Variants in CNTNAP2 observed in about 807,000 individuals in gnomAD.
CNTNAP2 encodes the protein contactin associated protein 2.
In CNTNAP2, 98 loss-of-function variants were observed where a neutral mutation model predicts 155.2. That is an observed-to-expected ratio of 0.63 (90% CI 0.54 to 0.75). The LOEUF is 0.75. CNTNAP2 is among the 30% of genes least tolerant of loss of function. The pLI, the probability that CNTNAP2 is intolerant of heterozygous loss-of-function variation, is 0.00. For synonymous variants in CNTNAP2, 651 were observed against 631.2 expected, an observed-to-expected ratio of 1.03 and a Z score of -0.47; for missense variants, 1,727 against 1,688.1, an observed-to-expected ratio of 1.02 and a Z score of -0.40.
At position 147,153,814 on chromosome 7, in the gene CNTNAP2, C is replaced by G. The variant is rs73471075; in HGVS notation, c.1348+21305C>G. On this transcript the variant is annotated intron_variant, in intron 8 of 23. Transcript: ENST00000361727. ...CACATTGTAAAAGGTCATTCTGACT[C>G]TGTGCTAAAAGGTAGATTTTCAAAT... 4.2e-3 allele frequency among the ~76,000 whole-genome samples: 636 copies of G among 152,210 alleles called. 4 individuals carry two copies. The highest frequency in any genetic ancestry group is 0.015 in the African/African-American group (615 of 41,542).
intron 8 of CNTNAP2, among the ~76,000 whole-genome samples, chr7:147,175,385 T>C (rs987134574): frequency 2.6e-5 from 4 of 152,212 alleles, no homozygotes; most frequent in African/African-American, 9.6e-5. Flanking sequence ...CTTTACACTT[T>C]AGCTTAAATA....
Position 146,826,138 on chromosome 7 carries a change from C to T in CNTNAP2, c.209-13573C>T, listed in dbSNP as rs931730784. Among the ~76,000 whole-genome samples, 4 of 151,946 alleles carry T rather than the reference C, an allele frequency of 2.6e-5. No individual in the cohort carries two copies. The East Asian group carries it at 5.8e-4, about 22-fold the overall frequency. ...TGGCATGGAGATGTTATTTGCATCC[C>T]TAATTATTTGGTTAATAAACAATAA... is the stretch of plus-strand genomic sequence containing the variant. On this transcript the variant is annotated intron_variant, in intron 2 of 23. Transcript: ENST00000361727.
intron 15 of CNTNAP2, among the ~76,000 whole-genome samples, chr7:148,012,460 G>T (rs1304680389): frequency 6.6e-6 from 1 of 152,170 alleles, no homozygotes; most frequent in Non-Finnish European, 1.5e-5. Context: ...TATGCAACAG[G>T]CATAAGTTCT....
chr7:147,225,297 T>G (rs1803495431), intron 8 of CNTNAP2, among the ~76,000 whole-genome samples: 1 of 152,320 alleles, frequency 6.6e-6, no homozygotes. Context: ...CTGGAAATGT[T>G]TTTAGGGTTG....
intron 2 of CNTNAP2, among the ~76,000 whole-genome samples, chr7:146,786,236 T>G (rs1169544943): frequency 6.7e-6 from 1 of 148,556 alleles, no homozygotes; most frequent in Non-Finnish European, 1.5e-5. Flanking sequence ...TGACTATTTA[T>G]CCCTTTTTCT....
At chr7:146,654,781 GA>G (rs144611125) in intron 1 of CNTNAP2, among the ~76,000 whole-genome samples, 6,717 of 152,048 alleles carry the variant, frequency 0.044, 169 homozygotes, top group Middle Eastern at 0.093. Context: ...TTGTACTTTT[GA>G]AGCAGTTTCA....
At chr7:148,087,434 C>T (rs1273281706) in intron 15 of CNTNAP2, among the ~76,000 whole-genome samples, 1 of 152,010 alleles carries the variant, frequency 6.6e-6, no homozygotes, top group African/African-American at 2.4e-5. Context: ...TTTTATATGG[C>T]TTATATTAAC....
At chr7:147,776,150 T>C (rs966243497) in intron 13 of CNTNAP2, among the ~76,000 whole-genome samples, 5 of 152,144 alleles carry the variant, frequency 3.3e-5, no homozygotes, top group African/African-American at 1.2e-4. Flanking sequence ...AGGAAGTGAT[T>C]TAAAACAGTT....
chr7:147,010,172 G>A (rs1384831566), intron 3 of CNTNAP2, among the ~76,000 whole-genome samples: 1 of 151,922 alleles, frequency 6.6e-6, no homozygotes, highest in African/African-American at 2.4e-5. Flanking sequence ...ACCACGCCAA[G>A]CTGATTTTTG....
intron 9 of CNTNAP2, among the ~76,000 whole-genome samples, chr7:147,301,971 G>A (rs1479686958): frequency 6.6e-6 from 1 of 152,052 alleles, no homozygotes; most frequent in Non-Finnish European, 1.5e-5. Context: ...CTAGGGCTCT[G>A]CTTCTTTAAT....
intron 11 of CNTNAP2, among the ~76,000 whole-genome samples, chr7:147,487,648 G>A (rs1798533506): frequency 6.6e-6 from 1 of 151,962 alleles, no homozygotes. Flanking sequence ...GAACTGAAAA[G>A]CAACTTATTC....
At chr7:146,644,361 T>G (rs1799771963) in intron 1 of CNTNAP2, among the ~76,000 whole-genome samples, 1 of 152,188 alleles carries the variant, frequency 6.6e-6, no homozygotes, top group Non-Finnish European at 1.5e-5. Context: ...GTTTTTAGCA[T>G]GAAGGGTTGT....
intron 3 of CNTNAP2, among the ~76,000 whole-genome samples, chr7:146,948,353 AG>A: frequency 6.6e-6 from 1 of 152,210 alleles, no homozygotes; most frequent in African/African-American, 2.4e-5. Flanking sequence ...TCATGATGTA[AG>A]ATAATTTTGT....
intron 11 of CNTNAP2, among the ~76,000 whole-genome samples, chr7:147,498,747 A>C (rs1164219565): frequency 6.6e-6 from 1 of 152,188 alleles, no homozygotes; most frequent in African/African-American, 2.4e-5. Flanking sequence ...AAAAATTCTA[A>C]AGGATTTGAA....
chr7:147,936,297 TTTA>T (rs1201667911), intron 14 of CNTNAP2, among the ~76,000 whole-genome samples: 1 of 111,976 alleles, frequency 8.9e-6, no homozygotes, highest in Non-Finnish European at 2.0e-5. Flanking sequence ...CGACATTTAT[TTTA>T]TTTTTTTTTT....
intron 1 of CNTNAP2, among the ~76,000 whole-genome samples, chr7:146,456,593 T>G (rs1468077104): frequency 1.3e-5 from 2 of 152,182 alleles, no homozygotes; most frequent in African/African-American, 2.4e-5. Flanking sequence ...ATTCTAGGCC[T>G]GGTTTACTTG....
At chr7:147,207,824 T>G (rs2116564626) in intron 8 of CNTNAP2, among the ~76,000 whole-genome samples, 1 of 152,272 alleles carries the variant, frequency 6.6e-6, no homozygotes, top group African/African-American at 2.4e-5. Context: ...CAGGTGACTA[T>G]TCTAAAGATC....
At chr7:147,832,120 T>A (rs2116636761) in intron 13 of CNTNAP2, among the ~76,000 whole-genome samples, 1 of 148,062 alleles carries the variant, frequency 6.8e-6, no homozygotes, top group South Asian at 2.1e-4. Flanking sequence ...TTTATAATCA[T>A]ACAATTATAT....
intron 1 of CNTNAP2, among the ~76,000 whole-genome samples, chr7:146,118,003 G>C (rs1362684381): frequency 6.6e-6 from 1 of 152,168 alleles, no homozygotes; most frequent in African/African-American, 2.4e-5. Flanking sequence ...GAAAAGAAAA[G>C]TTTAATATTT....
Sources: gnomAD v4.1 joint callset for allele counts (sites outside exome capture counted in the v4.1 genomes callset) on GRCh38, gnomAD v4.1.1 for gene constraint, MANE v1.5 for transcripts, NCBI Gene and HGNC (gene_info 2026-07-23, HGNC 2026-07-21) for gene names.